NEB: variants seen among roughly 807,000 people sequenced by gnomAD.
NEB encodes nemaline myopathy type 2.
Under a neutral mutation model 952.2 loss-of-function variants are expected in NEB, and 512 were observed. The observed-to-expected ratio is 0.54, with a 90% confidence interval of 0.50 to 0.58. The LOEUF (loss-of-function observed/expected upper bound fraction) is 0.58. Ranked by LOEUF, NEB falls within the 20% of genes least tolerant of loss-of-function variation. The pLI is 0.00. For synonymous variants in NEB, 2,900 were observed against 3,149.8 expected, an observed-to-expected ratio of 0.92 and a Z score of 2.66; for missense variants, 8,428 against 9,231.1, an observed-to-expected ratio of 0.91 and a Z score of 3.56.
chr2:151,650,168 C>T lies in NEB; in HGVS notation c.7431+8G>A. ...CTATAATCTATTTATTTCCAGAGTG[C>T]TACTCACATCACTCCTATTTTTGGC... On this transcript the variant is annotated splice_region_variant and intron_variant, in intron 54 of 181. Transcript: ENST00000397345. The T allele has an allele frequency of 6.2e-7, 1 of 1,610,752 alleles. No individual in the cohort carries two copies. Among genetic ancestry groups the T allele is most frequent in the Non-Finnish European group, 8.5e-7 (1 of 1,177,050 alleles).
intron 45 of NEB, 104 bp from the exon 46 acceptor site, chr2:151,662,445 C>T: frequency 9.6e-7 from 1 of 1,045,240 alleles, no homozygotes; most frequent in Non-Finnish European, 1.3e-6. Flanking sequence ...TGTAAATTTT[C>T]TGTAACTTTT....
At chr2:151,728,764 A>G (rs1384898752) in intron 4 of NEB, among the ~76,000 whole-genome samples, 2 of 152,208 alleles carry the variant, frequency 1.3e-5, no homozygotes, top group East Asian at 3.8e-4. Context: ...AGCTAATATC[A>G]TCTGTACCAA....
intron 28 of NEB, 63 bp from the exon 29 acceptor site, chr2:151,682,832 A>G (rs1157476229): frequency 7.2e-7 from 1 of 1,397,686 alleles, no homozygotes; most frequent in African/African-American, 1.4e-5. Flanking sequence ...TAAAATCATC[A>G]AAGTTTTACC....
At chr2:151,503,949 C>T (rs1190912719) in intron 165 of NEB, among the ~76,000 whole-genome samples, 1 of 152,132 alleles carries the variant, frequency 6.6e-6, no homozygotes, top group Non-Finnish European at 1.5e-5. Flanking sequence ...ATGGCTTAAT[C>T]AGTTTATTTT....
intron 73 of NEB, 125 bp from the exon 74 acceptor site, chr2:151,618,603 C>T: frequency 1.0e-6 from 1 of 954,980 alleles, no homozygotes; most frequent in Middle Eastern, 3.2e-4. Flanking sequence ...CATAGTCATT[C>T]ACTCACTCAC....
intron 54 of NEB, among the ~76,000 whole-genome samples, chr2:151,648,475 G>C (rs983689056): frequency 6.6e-6 from 1 of 152,030 alleles, no homozygotes; most frequent in Non-Finnish European, 1.5e-5. Flanking sequence ...TATATTCATG[G>C]GGGCACAAGA....
chr2:151,625,484 C>T (rs922267270), intron 71 of NEB, 50 bp downstream of exon 71: 6 of 1,343,526 alleles, frequency 4.5e-6, no homozygotes, highest in African/African-American at 1.4e-5. Context: ...ATTCCTACAT[C>T]GGCAACAATC....
chr2:151,635,812 A>C (rs1040025824), intron 64 of NEB, among the ~76,000 whole-genome samples: 1 of 152,132 alleles, frequency 6.6e-6, no homozygotes, highest in Non-Finnish European at 1.5e-5. Flanking sequence ...CAAGCACCGC[A>C]TGTGTTTTAA....
At chr2:151,678,246 A>T in intron 32 of NEB, 59 bp from the exon 33 acceptor site, 1 of 1,099,410 alleles carries the variant, frequency 9.1e-7, no homozygotes, top group Non-Finnish European at 1.3e-6. Flanking sequence ...TTACTAAACA[A>T]TGAGGCCATG....
chr2:151,565,404 T>G (rs943340999), intron 116 of NEB, 97 bp downstream of exon 116: 16 of 931,216 alleles, frequency 1.7e-5, no homozygotes, highest in Non-Finnish European at 2.4e-5. Flanking sequence ...CCTCCCAATT[T>G]TTTTACAAGC....
At chr2:151,616,143 T>C (rs2098185875) in intron 75 of NEB, 34 bp from the exon 76 acceptor site, 2 of 1,418,824 alleles carry the variant, frequency 1.4e-6, no homozygotes, top group Non-Finnish European at 2.0e-6. Context: ...CATTTACTCC[T>C]TCCATAAAAA....
intron 167 of NEB, among the ~76,000 whole-genome samples, chr2:151,501,823 C>T (rs1046438080): frequency 1.3e-5 from 2 of 151,176 alleles, no homozygotes; most frequent in African/African-American, 2.4e-5. Context: ...AATTAGGGAA[C>T]CAAAGAAAGA....
At position 151,568,172 on chromosome 2, in the gene NEB, A is replaced by G; in HGVS notation, c.17743T>C (p.Tyr5915His). The change falls in exon 113 of 182, where the codon TAC becomes CAC. Residue 5915 changes from tyrosine (Y) to histidine (H), a missense_variant. By Grantham distance (83) the Tyr-to-His change is moderately conservative. Coordinates refer to ENST00000397345, the MANE Select transcript of NEB (RefSeq NM_001164508.2). The part of the protein sequence containing the change: ...EAARILDQYL[Y>H]KEGWERQKAT... The stretch of plus-strand genomic sequence containing the variant: ...TTTTGTCTCTCCCAGCCTTCCTTGT[A>G]GAGATACTGAAAGACAGAGCCACCA... 33 of 1,612,964 alleles carry G rather than the reference A, an allele frequency of 2.0e-5. No homozygotes were observed. The highest frequency in any genetic ancestry group is 2.8e-5 in the Non-Finnish European group (33 of 1,179,326).
At chr2:151,712,402 G>A (rs1197143489) in intron 10 of NEB, among the ~76,000 whole-genome samples, 1 of 152,190 alleles carries the variant, frequency 6.6e-6, no homozygotes, top group Non-Finnish European at 1.5e-5. Flanking sequence ...GTGAGAGATA[G>A]ATGTCTGGTT....
In NEB at chr2:151,662,337, T is replaced by C. The variant is rs755003638; in HGVS notation, c.5768A>G (p.Gln1923Arg). 1.9e-5 allele frequency: 30 copies of C among 1,550,982 alleles called. No individual in the cohort carries two copies. The highest frequency in any genetic ancestry group is 2.4e-5 in the Non-Finnish European group (28 of 1,146,500). The change falls in exon 46 of 182, where the codon CAG becomes CGG. Residue 1923 changes from glutamine to arginine, a missense_variant. By Grantham distance (43) the Gln-to-Arg change is conservative. Around this residue, in one of 11 missense-constraint regions of NEB, gnomAD observed 2,851 missense variants for 2,791.5 expected, o/e 1.02. Transcript: ENST00000397345. ...KNMMQIQSDN[Q>R]YKADYADFMK... ...GAAGTCAGCATAGTCAGCCTTGTAC[T>C]GATTCTGCAAAAGAGGAAAAATTAA...
intron 157 of NEB, 41 bp downstream of exon 157, chr2:151,516,418 G>T: frequency 7.3e-7 from 1 of 1,375,166 alleles, no homozygotes; most frequent in Non-Finnish European, 1.0e-6. Context: ...GTTCAGTAGT[G>T]TGATGGATCA....
At chr2:151,505,388 T>C in intron 165 of NEB, 90 bp downstream of exon 165, 1 of 1,140,178 alleles carries the variant, frequency 8.8e-7, no homozygotes, top group African/African-American at 1.5e-5. Flanking sequence ...ATGGAAGCTC[T>C]TGATAGGAAG....
rs2153615783 is a variant in NEB at position 151,547,432 on chromosome 2, A to G, written c.20364T>C (p.Ser6788=). 1 of 1,593,608 alleles carries G rather than the reference A, an allele frequency of 6.3e-7. No individual in the cohort carries two copies. Among genetic ancestry groups the G allele is most frequent in the Non-Finnish European group, 8.6e-7 (1 of 1,168,662 alleles). The change falls in exon 133 of 182, where the codon AGT becomes AGC. Residue 6788 remains serine (S), a synonymous_variant. Coordinates refer to ENST00000397345, the MANE Select transcript of NEB (RefSeq NM_001164508.2). ...IHCRYVGDIT[S]DIKYKEDLQV... is the part of the protein sequence containing the mutation. ...AAGACCCCTACGAGATGCTTACATCACTGGTGATGTCTCCCACATAGCGGC... is the reference window on the plus strand; with the variant it reads ...AAGACCCCTACGAGATGCTTACATCGCTGGTGATGTCTCCCACATAGCGGC...
At chr2:151,512,398 T>C (rs898878301) in intron 161 of NEB, among the ~76,000 whole-genome samples, 3 of 151,840 alleles carry the variant, frequency 2.0e-5, no homozygotes, top group African/African-American at 7.3e-5. Context: ...CAGTCACAGC[T>C]GACTGCAGCC....
Sources: allele counts gnomAD v4.1 joint callset (sites outside exome capture counted in the v4.1 genomes callset), GRCh38; gene constraint gnomAD v4.1.1; regional missense constraint gnomAD v4.1.1; transcripts MANE v1.5; gene names NCBI Gene and HGNC (gene_info 2026-07-23, HGNC 2026-07-21).